ZNF606: variants seen among roughly 807,000 people sequenced by gnomAD.
ZNF606 encodes the protein zinc finger protein 606, also known as zinc finger protein 328.
A neutral mutation model predicts 74.9 loss-of-function variants in ZNF606; 37 were observed. That is an observed-to-expected ratio of 0.49 (90% CI 0.38 to 0.65). ZNF606 has a LOEUF of 0.65. ZNF606 is among the 30% of genes least tolerant of loss of function. The probability of loss-of-function intolerance (pLI) is 0.00; values close to 1 mark genes in which losing one functional copy is unlikely to be tolerated. For missense variants in ZNF606, 852 were observed against 952.9 expected, an observed-to-expected ratio of 0.89 and a Z score of 1.39; for synonymous variants, 328 against 312.4, an observed-to-expected ratio of 1.05 and a Z score of -0.53.
Position 57,978,664 on chromosome 19 carries a change from T to C in ZNF606, c.2016A>G (p.Arg672=). 2 of 1,614,080 alleles carry C rather than the reference T, an allele frequency of 1.2e-6. No homozygotes were observed. Among genetic ancestry groups the C allele is most frequent in the Non-Finnish European group, 1.7e-6 (2 of 1,180,028 alleles). ...TATAGGGTTTCTCACCAGTGTGAAT[T>C]CTCCGATGAGCAACAAGGTGACAGC... is the stretch of plus-strand genomic sequence containing the variant. ...SQSCHLVAHR[R]IHTGEKPYKC... The change falls in exon 7 of 7, where the codon AGA becomes AGG. Residue 672 remains arginine, a synonymous_variant. Transcript: ENST00000551380. The surrounding 1 kb of genome is among the most constrained non-coding windows in gnomAD (Gnocchi z 4.4).
upstream of ZNF606, chr19:58,003,183 G>A (rs1262866001): frequency 1.5e-5 from 7 of 453,144 alleles, no homozygotes; most frequent in Non-Finnish European, 2.7e-5. Context: ...AAGATTGTGA[G>A]AAAGTGACTG....
intron 1 of ZNF606, 90 bp from the exon 2 acceptor site, chr19:58,001,460 C>A: frequency 7.1e-6 from 7 of 984,192 alleles, no homozygotes; most frequent in Admixed American, 2.2e-5. Flanking sequence ...ACCGAAGCAA[C>A]AAAAAAACTT....
At position 57,979,578 on chromosome 19, in the gene ZNF606, C is replaced by T. The variant is rs1391056348; in HGVS notation, c.1102G>A (p.Val368Ile). The T allele has an allele frequency of 2.5e-6, 4 of 1,613,058 alleles. No individual in the cohort carries two copies. The highest frequency in any genetic ancestry group is 1.7e-5 in the Admixed American group (1 of 59,888). ...TCATTGTATTTATACGCTTTCTCTACAGTACCAATTTTTTGATGTTCCATA... is the reference window on the plus strand; with the variant it reads ...TCATTGTATTTATACGCTTTCTCTATAGTACCAATTTTTTGATGTTCCATA... ...SFMEHQKIGTVEKAYKYNEWE... is the reference protein window; with the variant it reads ...SFMEHQKIGTIEKAYKYNEWE... Residue 368 changes from valine (V) to isoleucine (I), a missense_variant, in exon 7 of 7, where the codon GTA (valine) becomes ATA (isoleucine). By Grantham distance (29) the Val-to-Ile change is conservative. Coordinates refer to ENST00000551380, the MANE Select transcript of ZNF606 (RefSeq NM_001348022.3).
chr19:57,989,166 T>C (rs1366602564), intron 4 of ZNF606, among the ~76,000 whole-genome samples: 2 of 152,160 alleles, frequency 1.3e-5, no homozygotes. Flanking sequence ...GATCTGTACA[T>C]TCACAAGTTG....
rs141913767 is a variant in ZNF606, at chr19:58,002,727, A to AC, written c.-384dup. On this transcript the variant is annotated 5_prime_UTR_variant, in exon 1 of 7. Transcript: ENST00000551380. Reference sequence around the variant, plus strand: ...CCGCCTCTCCCAGCCGGCTCTCCTGACCCCCCAAGCCCCGCAGCTACGGCG... The same window carrying AC: ...CCGCCTCTCCCAGCCGGCTCTCCTGACCCCCCCAAGCCCCGCAGCTACGGCG... 0.21 allele frequency: 95,559 copies of AC among 453,238 alleles called. 10,698 individuals are homozygous for AC. Among genetic ancestry groups the AC allele is most frequent in the African/African-American group, 0.27 (13,550 of 49,542 alleles). The allele number at this position is 453,238 out of a possible 1,614,324, so 28.1% of individuals were successfully genotyped here.
intron 3 of ZNF606, 194 bp from the exon 4 acceptor site, chr19:58,000,090 G>A: frequency 3.5e-6 from 2 of 572,150 alleles, no homozygotes; most frequent in East Asian, 5.7e-5. Flanking sequence ...TCTCTCATTG[G>A]CCCCCCCTGT....
At chr19:57,981,842 G>A (rs2073089437) in intron 6 of ZNF606, among the ~76,000 whole-genome samples, 1 of 152,182 alleles carries the variant, frequency 6.6e-6, no homozygotes, top group South Asian at 2.1e-4. Context: ...TGAAAAAACA[G>A]ACACAGGAGT....
At chr19:57,991,672 C>T (rs1419500212) in intron 4 of ZNF606, among the ~76,000 whole-genome samples, 2 of 151,916 alleles carry the variant, frequency 1.3e-5, no homozygotes, top group Non-Finnish European at 2.9e-5. Context: ...CCCAGCTACT[C>T]GTGAGGCTGA....
intron 4 of ZNF606, among the ~76,000 whole-genome samples, chr19:57,992,630 C>G (rs2073277788): frequency 6.6e-6 from 1 of 152,152 alleles, no homozygotes; most frequent in Non-Finnish European, 1.5e-5. Flanking sequence ...AACTGGATAT[C>G]AGGTGACATT....
intron 3 of ZNF606, chr19:58,000,138 A>G (rs2073397311): frequency 1.9e-6 from 1 of 535,498 alleles, no homozygotes; most frequent in African/African-American, 1.9e-5. Context: ...GTGTCTGGTC[A>G]CAACCTTCCT....
chr19:57,991,855 C>T lies in ZNF606; in HGVS notation c.178-3134G>A, dbSNP rs115797299. Reference sequence around the variant, plus strand: ...GTGCACAAAACCTATGCTTGATGCACTTTCACAGAGCAATGGCACCTGGGG... The same window carrying T: ...GTGCACAAAACCTATGCTTGATGCATTTTCACAGAGCAATGGCACCTGGGG... On this transcript the variant is annotated intron_variant, in intron 4 of 6. Transcript: ENST00000551380. Among the ~76,000 whole-genome samples the T allele has an allele frequency of 5.6e-3, 858 of 152,254 alleles. 11 individuals carry two copies. Among genetic ancestry groups the T allele is most frequent in the African/African-American group, 0.02 (830 of 41,550 alleles).
rs1419402682 is a variant in ZNF606 at position 57,980,238 on chromosome 19, G to T, written c.442C>A (p.Gln148Lys). ...GATTGTTCTTCCTCAAAAATGCTCT[G>T]TGCTGGGATCAATGCTTTGCTTTCA... ...NLESKALIPA[Q>K]SIFEEEQSHG... The change falls in exon 7 of 7, where the codon CAG becomes AAG. Residue 148 changes from glutamine (Q) to lysine (K), a missense_variant. Transcript: ENST00000551380. The T allele has an allele frequency of 2.5e-6, 4 of 1,613,468 alleles. No individual in the cohort carries two copies. In the South Asian group the frequency reaches 4.4e-5, roughly 18 times the overall value.
At chr19:57,988,488 C>A in intron 5 of ZNF606, 107 bp downstream of exon 5, 1 of 1,495,766 alleles carries the variant, frequency 6.7e-7, no homozygotes. Context: ...ATCATCTCAG[C>A]TCTTCTGAGA....
At position 57,979,818 on chromosome 19, in the gene ZNF606, G is replaced by C; in HGVS notation, c.862C>G (p.Leu288Val). 1 of 1,613,314 alleles carries C rather than the reference G, an allele frequency of 6.2e-7. No individual in the cohort carries two copies. ...YPARIQTGDN[L>V]FKCTDAVKSF... ...TTAACAGCATCAGTACATTTGAAAA[G>C]ATTATCTCCAGTTTGTATTCTTGCA... Residue 288 changes from leucine to valine, a missense_variant, in exon 7 of 7, where the codon CTT (leucine) becomes GTT (valine). Physicochemically the swap from Leu to Val is conservative, Grantham distance 32 (BLOSUM62 1). This residue lies in a region of ZNF606 where 545 missense variants were observed against 542.5 expected (regional missense o/e 1.00). Coordinates refer to ENST00000551380, the MANE Select transcript of ZNF606 (RefSeq NM_001348022.3).
At chr19:58,001,456 G>A in intron 1 of ZNF606, 86 bp from the exon 2 acceptor site, 4 of 1,069,858 alleles carry the variant, frequency 3.7e-6, no homozygotes, top group South Asian at 2.8e-5. Context: ...ATCCACCGAA[G>A]CAACAAAAAA....
intron 4 of ZNF606, among the ~76,000 whole-genome samples, chr19:57,989,636 A>G (rs1172465434): frequency 2.6e-5 from 4 of 151,900 alleles, no homozygotes; most frequent in African/African-American, 9.6e-5. Context: ...TAGTAGAGAC[A>G]GGGTTTTGCC....
In ZNF606 at chr19:58,001,350, A is replaced by T. The variant is rs770339268; in HGVS notation, c.-31T>A. ...GGACTGATTGACCAGGCACCTGCCC[A>T]GGAACACAGCAAATCCCAACCTAGT... is the stretch of plus-strand genomic sequence containing the variant. On this transcript the variant is annotated 5_prime_UTR_variant, in exon 2 of 7. Coordinates refer to ENST00000551380, the MANE Select transcript of ZNF606 (RefSeq NM_001348022.3). The T allele has an allele frequency of 5.0e-6, 8 of 1,614,170 alleles. No homozygotes were observed. The Admixed American group carries it at 1.3e-4, about 27-fold the overall frequency.
intron 4 of ZNF606, among the ~76,000 whole-genome samples, chr19:57,995,745 G>T (rs2073330441): frequency 6.6e-6 from 1 of 152,124 alleles, no homozygotes; most frequent in African/African-American, 2.4e-5. Flanking sequence ...TTTGAACCCG[G>T]GAGGCGGAGA....
intron 3 of ZNF606, chr19:58,000,426 C>T (rs2073403843): frequency 8.7e-6 from 5 of 576,980 alleles, no homozygotes; most frequent in East Asian, 5.8e-5. Flanking sequence ...GGGGTTTCAC[C>T]GTGTTAGCCA....
Sources: gnomAD v4.1 joint callset for allele counts (sites outside exome capture counted in the v4.1 genomes callset) on GRCh38, gnomAD v4.1.1 for gene constraint, gnomAD v4.1.1 regional missense constraint, Gnocchi (gnomAD v3.1) non-coding constraint, MANE v1.5 for transcripts, NCBI Gene and HGNC (gene_info 2026-07-23, HGNC 2026-07-21) for gene names.